SPOCK3: variants seen among roughly 807,000 people sequenced by gnomAD.
SPOCK3 encodes the protein testican-3.
Under a neutral mutation model 56.6 loss-of-function variants are expected in SPOCK3, and 30 were observed. That is an observed-to-expected ratio of 0.53 (90% CI 0.40 to 0.72). The LOEUF is 0.72. SPOCK3 is among the 30% of genes least tolerant of loss of function. The pLI is 0.00. For missense variants in SPOCK3, 527 were observed against 530.0 expected, an observed-to-expected ratio of 0.99 and a Z score of 0.06; for synonymous variants, 196 against 183.3, an observed-to-expected ratio of 1.07 and a Z score of -0.56.
intron 2 of SPOCK3, among the ~76,000 whole-genome samples, chr4:167,158,371 G>T (rs1381100917): frequency 6.6e-6 from 1 of 151,828 alleles, no homozygotes; most frequent in Non-Finnish European, 1.5e-5. Context: ...AAAATGTCAT[G>T]CCTGGCCATC....
intron 3 of SPOCK3, among the ~76,000 whole-genome samples, chr4:167,060,112 T>A (rs1414082669): frequency 6.6e-6 from 1 of 151,628 alleles, no homozygotes; most frequent in Non-Finnish European, 1.5e-5. Context: ...GTAACTAACC[T>A]GCACATTGTG....
chr4:166,816,107 T>C (rs941541911), intron 6 of SPOCK3, among the ~76,000 whole-genome samples: 36 of 152,088 alleles, frequency 2.4e-4, no homozygotes, highest in African/African-American at 6.3e-4. Flanking sequence ...TGTAAATAAT[T>C]TCTGGTTTAA....
chr4:166,797,677 CAGTA>C (rs1355982876), intron 6 of SPOCK3, among the ~76,000 whole-genome samples: 1 of 151,748 alleles, frequency 6.6e-6, no homozygotes, highest in Non-Finnish European at 1.5e-5. Flanking sequence ...TCTGAGTACA[CAGTA>C]AGAGATGCCA....
intron 2 of SPOCK3, among the ~76,000 whole-genome samples, chr4:167,137,777 T>A (rs1382070779): frequency 6.6e-6 from 1 of 151,902 alleles, no homozygotes; most frequent in Admixed American, 6.6e-5. Context: ...ATACTTGGGC[T>A]TAAGTATGTT....
At chr4:166,822,867 TA>T (rs1375848371) in intron 6 of SPOCK3, among the ~76,000 whole-genome samples, 1 of 152,096 alleles carries the variant, frequency 6.6e-6, no homozygotes, top group Non-Finnish European at 1.5e-5. Context: ...TCATTTGGTT[TA>T]ATATCTTCTT....
intron 8 of SPOCK3, among the ~76,000 whole-genome samples, chr4:166,745,391 T>C (rs1367791773): frequency 6.6e-6 from 1 of 152,050 alleles, no homozygotes; most frequent in African/African-American, 2.4e-5. Flanking sequence ...CCAAACTAAA[T>C]TTCATAAGTG....
At chr4:167,056,249 TG>T (rs1754845862) in intron 3 of SPOCK3, among the ~76,000 whole-genome samples, 1 of 152,214 alleles carries the variant, frequency 6.6e-6, no homozygotes, top group African/African-American at 2.4e-5. Context: ...GGGTCCTGCC[TG>T]TTAGAAGGAA....
At chr4:167,172,489 G>A (rs892765670) in intron 2 of SPOCK3, among the ~76,000 whole-genome samples, 1 of 152,044 alleles carries the variant, frequency 6.6e-6, no homozygotes, top group Non-Finnish European at 1.5e-5. Flanking sequence ...TATTAAAATA[G>A]GATTCCTAAT....
chr4:166,843,190 C>T (rs1355592955), intron 6 of SPOCK3, among the ~76,000 whole-genome samples: 1 of 152,192 alleles, frequency 6.6e-6, no homozygotes, highest in Admixed American at 6.5e-5. Flanking sequence ...CCCCCGCAAA[C>T]AGAGGGAGCC....
intron 5 of SPOCK3, among the ~76,000 whole-genome samples, chr4:166,902,734 A>T (rs1487781071): frequency 2.6e-5 from 4 of 151,658 alleles, no homozygotes; most frequent in African/African-American, 9.7e-5. Context: ...ATCTTGATTG[A>T]AGTTCATCTA....
At chr4:166,954,257 C>A (rs76198101) in intron 4 of SPOCK3, among the ~76,000 whole-genome samples, 1 of 152,060 alleles carries the variant, frequency 6.6e-6, no homozygotes, top group African/African-American at 2.4e-5. Flanking sequence ...TGTGGGCTGT[C>A]TATTCAGTCT....
chr4:167,028,044 T>A (rs1425682251), intron 3 of SPOCK3, among the ~76,000 whole-genome samples: 2 of 152,066 alleles, frequency 1.3e-5, no homozygotes, highest in African/African-American at 4.8e-5. Flanking sequence ...ATACTTCTGT[T>A]TTTCTCTTTG....
In SPOCK3 at chr4:166,923,828, C is replaced by T. The variant is rs559984933; in HGVS notation, c.351-11085G>A. ...ACACTTTACTGATTTTTAGACACTA[C>T]ATAACTGTTAAAGTTGTAAAGAGTA... On this transcript the variant is annotated intron_variant, in intron 4 of 10. Coordinates refer to ENST00000357545, the MANE Select transcript of SPOCK3 (RefSeq NM_001040159.2). Among the ~76,000 whole-genome samples the T allele has an allele frequency of 2.0e-5, 3 of 152,278 alleles. No homozygotes were observed. The South Asian group carries it at 6.2e-4, about 32-fold the overall frequency.
intron 5 of SPOCK3, among the ~76,000 whole-genome samples, chr4:166,895,907 A>T (rs1378268710): frequency 6.6e-6 from 1 of 152,112 alleles, no homozygotes; most frequent in Non-Finnish European, 1.5e-5. Flanking sequence ...CCTTGAGTAA[A>T]TCTGAGGGAT....
chr4:167,158,120 T>C (rs747633348), intron 2 of SPOCK3, among the ~76,000 whole-genome samples: 1 of 151,990 alleles, frequency 6.6e-6, no homozygotes, highest in Non-Finnish European at 1.5e-5. Context: ...CTGAGGAGGA[T>C]AGAGAAAATA....
At position 166,841,180 on chromosome 4, in the gene SPOCK3, C is replaced by T. The variant is rs76071301; in HGVS notation, c.589+47950G>A. Among the ~76,000 whole-genome samples, 150 of 151,990 alleles carry T rather than the reference C, an allele frequency of 9.9e-4. No homozygotes were observed. In the East Asian group the frequency reaches 0.019, roughly 20 times the overall value. ...GTTTACCTCTTCAATTATTGGAGAC[C>T]GACATAAACACGCTAGAAACGTGGG... On this transcript the variant is annotated intron_variant, in intron 6 of 10. Coordinates refer to ENST00000357545, the MANE Select transcript of SPOCK3 (RefSeq NM_001040159.2).
rs1736937159 is a variant in SPOCK3 at position 167,229,511 on chromosome 4, T to C, written c.189+4474A>G. Among the ~76,000 whole-genome samples, 3 of 152,092 alleles carry C rather than the reference T, an allele frequency of 2.0e-5. No individual in the cohort carries two copies. The South Asian group carries it at 6.2e-4, about 31-fold the overall frequency. On this transcript the variant is annotated intron_variant, in intron 2 of 10. Coordinates refer to ENST00000357545, the MANE Select transcript of SPOCK3 (RefSeq NM_001040159.2). ...GAAGTTGATAGACCCTCGAGAATCT[T>C]TACCCCTCTGTAGCCCACTAAGTTC...
chr4:167,220,447 C>T (rs1418237867), intron 2 of SPOCK3, among the ~76,000 whole-genome samples: 3 of 147,576 alleles, frequency 2.0e-5, no homozygotes, highest in East Asian at 2.0e-4. Context: ...GGTGTGATCA[C>T]GGCTCACTGC....
chr4:167,142,194 C>T (rs1016936690), intron 2 of SPOCK3, among the ~76,000 whole-genome samples: 15 of 151,808 alleles, frequency 9.9e-5, no homozygotes, highest in African/African-American at 3.1e-4. Context: ...AAGAGGTCCC[C>T]AAGCAATATG....
Sources: gnomAD v4.1 joint callset for allele counts (sites outside exome capture counted in the v4.1 genomes callset) on GRCh38, gnomAD v4.1.1 for gene constraint, MANE v1.5 for transcripts, NCBI Gene and HGNC (gene_info 2026-07-23, HGNC 2026-07-21) for gene names.